The following ZMAT4 variants were observed in gnomAD, a reference collection of about 807,000 sequenced individuals.
The protein encoded by ZMAT4 is zinc finger matrin-type protein 4.
In ZMAT4, 17 loss-of-function variants were observed where a neutral mutation model predicts 28.7. That is an observed-to-expected ratio of 0.59 (90% CI 0.41 to 0.89). The LOEUF (loss-of-function observed/expected upper bound fraction) is 0.89, where lower values mean the gene tolerates loss of function less well. Ranked by LOEUF, ZMAT4 falls within the 40% of genes least tolerant of loss-of-function variation. ZMAT4 has a pLI of 0.00. For synonymous variants in ZMAT4, 117 were observed against 109.2 expected (o/e 1.07, Z -0.44); for missense variants, 240 against 283.8 (o/e 0.85, Z 1.11).
In ZMAT4 at chr8:40,847,219, A is replaced by C. The variant is rs1174352952; in HGVS notation, c.-4-21539T>G. ...ATTCCATCTAAAAAAACAAACAAAC[A>C]AAAAAAAAAAACTGGGGGAAATCCA... On this transcript the variant is annotated intron_variant, in intron 1 of 6. Coordinates refer to ENST00000297737, the MANE Select transcript of ZMAT4 (RefSeq NM_024645.3). Among the ~76,000 whole-genome samples the C allele has an allele frequency of 1.4e-4, 11 of 77,948 alleles. No homozygotes were observed. In the South Asian group the frequency reaches 2.2e-3, roughly 16 times the overall value. The allele number at this position is 77,948 out of a possible 152,430, so 51.1% of individuals were successfully genotyped here.
intron 6 of ZMAT4, among the ~76,000 whole-genome samples, chr8:40,545,088 C>T (rs1235368430): frequency 1.3e-5 from 2 of 152,084 alleles, no homozygotes; most frequent in Non-Finnish European, 2.9e-5. Context: ...CCTAGAGATG[C>T]CCCTGGCCTG....
At chr8:40,645,270 G>A (rs1162994967) in intron 5 of ZMAT4, among the ~76,000 whole-genome samples, 1 of 152,048 alleles carries the variant, frequency 6.6e-6, no homozygotes, top group Non-Finnish European at 1.5e-5. Context: ...TGTTTATTTA[G>A]AAGATAAATA....
rs542001956 is a variant in ZMAT4 at position 40,880,369 on chromosome 8, C to CA, written c.-5+17313dup. On this transcript the variant is annotated intron_variant, in intron 1 of 6. Transcript: ENST00000297737. ...GGGCAACAAGAGCGAAACTCCATCT[C>CA]AAAAAAAAAAAAAAAGTACAGAAAT... is the stretch of plus-strand genomic sequence containing the variant. 5.0e-3 allele frequency among the ~76,000 whole-genome samples: 609 copies of CA among 122,330 alleles called. 3 individuals are homozygous for CA. Among genetic ancestry groups the CA allele is most frequent in the Middle Eastern group, 0.018 (4 of 224 alleles). The allele number at this position is 122,330 out of a possible 152,430, so 80.3% of individuals were successfully genotyped here.
intron 3 of ZMAT4, among the ~76,000 whole-genome samples, chr8:40,743,158 T>A (rs1184035349): frequency 6.6e-6 from 1 of 152,038 alleles, no homozygotes; most frequent in Non-Finnish European, 1.5e-5. Flanking sequence ...GAAAAGAAAA[T>A]AAATACATTT....
At chr8:40,761,039 G>A in intron 3 of ZMAT4, among the ~76,000 whole-genome samples, 1 of 147,794 alleles carries the variant, frequency 6.8e-6, no homozygotes, top group South Asian at 2.3e-4. Context: ...AAGGAAGAAA[G>A]AAAGGTGAGG....
intron 3 of ZMAT4, among the ~76,000 whole-genome samples, chr8:40,743,174 T>C (rs1812085886): frequency 6.6e-6 from 1 of 152,204 alleles, no homozygotes; most frequent in African/African-American, 2.4e-5. Flanking sequence ...CATTTATTTA[T>C]TTTCTGTGTT....
At chr8:40,546,749 G>A (rs533371822) in intron 6 of ZMAT4, among the ~76,000 whole-genome samples, 20 of 152,250 alleles carry the variant, frequency 1.3e-4, no homozygotes, top group African/African-American at 2.2e-4. Flanking sequence ...TCCAGAGCTC[G>A]GTGTGAGCTG....
chr8:40,646,411 T>TA (rs1186474896), intron 5 of ZMAT4, among the ~76,000 whole-genome samples: 1 of 152,024 alleles, frequency 6.6e-6, no homozygotes, highest in African/African-American at 2.4e-5. Flanking sequence ...TACTTAGAAT[T>TA]AATATTGTAT....
intron 5 of ZMAT4, among the ~76,000 whole-genome samples, chr8:40,644,602 C>A (rs1323541202): frequency 6.6e-6 from 1 of 152,040 alleles, no homozygotes; most frequent in Non-Finnish European, 1.5e-5. Context: ...GATAGATAAA[C>A]CTCACATGCA....
intron 3 of ZMAT4, among the ~76,000 whole-genome samples, chr8:40,737,131 T>G (rs1234234016): frequency 1.3e-5 from 2 of 152,168 alleles, no homozygotes; most frequent in Non-Finnish European, 2.9e-5. Context: ...AGCAGGCTTG[T>G]CCAACCCATG....
chr8:40,888,326 T>C lies in ZMAT4; in HGVS notation c.-5+9357A>G, dbSNP rs577334680. On this transcript the variant is annotated intron_variant, in intron 1 of 6. Coordinates refer to ENST00000297737, the MANE Select transcript of ZMAT4 (RefSeq NM_024645.3). ...CCTTACAAACTAAGGAGAGTGGCTT[T>C]GCCTTTCCAAGTATCGATTTCCCCC... Among the ~76,000 whole-genome samples, 104 of 152,308 alleles carry C rather than the reference T, an allele frequency of 6.8e-4. 1 individual carries two copies. Among genetic ancestry groups the C allele is most frequent in the Non-Finnish European group, 1.4e-3 (98 of 68,026 alleles).
At chr8:40,650,345 C>T (rs1320256204) in intron 5 of ZMAT4, among the ~76,000 whole-genome samples, 11 of 144,466 alleles carry the variant, frequency 7.6e-5, no homozygotes, top group South Asian at 2.3e-4. Flanking sequence ...ATAAATTCCT[C>T]GACACATACA....
chr8:40,594,428 A>C (rs1024756523), intron 5 of ZMAT4, among the ~76,000 whole-genome samples: 3 of 152,204 alleles, frequency 2.0e-5, no homozygotes, highest in African/African-American at 7.2e-5. Flanking sequence ...AGAAGAAATG[A>C]AGGAATAACA....
At chr8:40,824,600 G>C (rs1314586223) in intron 2 of ZMAT4, among the ~76,000 whole-genome samples, 1 of 148,260 alleles carries the variant, frequency 6.7e-6, no homozygotes, top group Admixed American at 6.8e-5. Flanking sequence ...TGAGTGAGAC[G>C]CTATCTCAGA....
At chr8:40,764,335 C>A (rs1220653406) in intron 3 of ZMAT4, among the ~76,000 whole-genome samples, 1 of 152,138 alleles carries the variant, frequency 6.6e-6, no homozygotes, top group African/African-American at 2.4e-5. Context: ...AAACAGCTGA[C>A]AATGTCAAAA....
chr8:40,751,895 C>G (rs750649118), intron 3 of ZMAT4, among the ~76,000 whole-genome samples: 3 of 152,108 alleles, frequency 2.0e-5, no homozygotes, highest in Non-Finnish European at 2.9e-5. Context: ...ATCAACCCCC[C>G]CTGTGCAAAA....
At position 40,613,214 on chromosome 8, in the gene ZMAT4, A is replaced by T. The variant is rs567259459; in HGVS notation, c.578-31953T>A. On this transcript the variant is annotated intron_variant, in intron 5 of 6. Coordinates refer to ENST00000297737, the MANE Select transcript of ZMAT4 (RefSeq NM_024645.3). ...TTTTTTTTTTTTGAGATGGAGTCTC[A>T]CTCTGTCACTCAGGCTGGAGTACAG... Among the ~76,000 whole-genome samples the T allele has an allele frequency of 1.2e-3, 122 of 102,248 alleles. 1 individual carries two copies. The highest frequency in any genetic ancestry group is 6.4e-4 in the Admixed American group (4 of 6,250). The allele number at this position is 102,248 out of a possible 152,430, so 67.1% of individuals were successfully genotyped here. A position where few individuals can be genotyped will look rare whatever the true frequency, so the allele number is the denominator to read the frequency against.
In ZMAT4 at chr8:40,873,749, G is replaced by T. The variant is rs188703264; in HGVS notation, c.-5+23934C>A. On this transcript the variant is annotated intron_variant, in intron 1 of 6. Coordinates refer to ENST00000297737, the MANE Select transcript of ZMAT4 (RefSeq NM_024645.3). Reference sequence around the variant, plus strand: ...AGTAGTCCCAGAGGATCTTAAAATGGTTTCACTTCATCAGCGGTTAGGACA... The same window carrying T: ...AGTAGTCCCAGAGGATCTTAAAATGTTTTCACTTCATCAGCGGTTAGGACA... 1.0e-3 allele frequency among the ~76,000 whole-genome samples: 156 copies of T among 152,264 alleles called. 1 individual carries two copies. Among genetic ancestry groups the T allele is most frequent in the Non-Finnish European group, 2.1e-3 (143 of 68,018 alleles).
chr8:40,754,742 TG>T (rs1302709883), intron 3 of ZMAT4, among the ~76,000 whole-genome samples: 2 of 152,216 alleles, frequency 1.3e-5, no homozygotes, highest in Non-Finnish European at 2.9e-5. Flanking sequence ...CCAGGTGGGC[TG>T]ACTGTTGCCT....
Sources: allele counts gnomAD v4.1 joint callset (sites outside exome capture counted in the v4.1 genomes callset), GRCh38; gene constraint gnomAD v4.1.1; transcripts MANE v1.5; gene names NCBI Gene and HGNC (gene_info 2026-07-23, HGNC 2026-07-21).